KIAA1671: variants seen among roughly 807,000 people sequenced by gnomAD.
The protein encoded by KIAA1671 is KIAA1671.
In KIAA1671, 52 loss-of-function variants were observed where a neutral mutation model predicts 131.2. The observed-to-expected ratio is 0.40, with a 90% CI of 0.32 to 0.50. The LOEUF (loss-of-function observed/expected upper bound fraction) is 0.50, where lower values mean the gene tolerates loss of function less well. KIAA1671 is among the 20% of genes least tolerant of loss of function. KIAA1671 has a pLI of 0.73. For missense variants in KIAA1671, 2,360 were observed against 2,364.2 expected, an observed-to-expected ratio of 1.00 and a Z score of 0.04; for synonymous variants, 1,003 against 961.6, an observed-to-expected ratio of 1.04 and a Z score of -0.80.
chr22:25,032,725 C>T, intron 4 of KIAA1671, 29 bp downstream of exon 4: 1 of 1,428,190 alleles, frequency 7.0e-7, no homozygotes, highest in Non-Finnish European at 9.6e-7. Context: ...GCACGTCTCT[C>T]ATTAACCAGC....
At chr22:25,172,832 G>A (rs1933894633) in intron 7 of KIAA1671, among the ~76,000 whole-genome samples, 1 of 152,202 alleles carries the variant, frequency 6.6e-6, no homozygotes. Flanking sequence ...GAGTCAGACT[G>A]CCTGGGCTCA....
At chr22:25,017,954 C>T (rs73879187) in intron 1 of KIAA1671, among the ~76,000 whole-genome samples, 2,500 of 152,140 alleles carry the variant, frequency 0.016, 73 homozygotes, top group African/African-American at 0.056. Context: ...AGTGCTTGCG[C>T]TCTAATAACC....
chr22:25,029,702 G>A (rs1358252463), intron 3 of KIAA1671, among the ~76,000 whole-genome samples, 162 bp downstream of exon 3: 1 of 152,272 alleles, frequency 6.6e-6, no homozygotes, highest in Non-Finnish European at 1.5e-5. Context: ...GAAAGGTGAG[G>A]TGCGGAGAGG....
At chr22:25,119,806 G>A (rs1000458776) in intron 6 of KIAA1671, among the ~76,000 whole-genome samples, 3 of 152,192 alleles carry the variant, frequency 2.0e-5, no homozygotes, top group Non-Finnish European at 2.9e-5. Context: ...AGGCAGGTTC[G>A]TGCCTGGTGT....
At chr22:25,093,737 A>ACACACACTCTCTCTCTCT (rs1568950992) in intron 6 of KIAA1671, among the ~76,000 whole-genome samples, 2 of 30,138 alleles carry the variant, frequency 6.6e-5, no homozygotes, top group Non-Finnish European at 6.5e-5. Flanking sequence ...ACACACACAC[A>ACACACACTCTCTCTCTCT]CTCTCTCTCT....
intron 6 of KIAA1671, among the ~76,000 whole-genome samples, chr22:25,138,016 ATT>A (rs1932748285): frequency 6.6e-6 from 1 of 152,148 alleles, no homozygotes; most frequent in African/African-American, 2.4e-5. Context: ...ACAATGACTC[ATT>A]TTTCTTGTGC....
chr22:25,123,125 C>G (rs1219430404), intron 6 of KIAA1671, among the ~76,000 whole-genome samples: 1 of 151,684 alleles, frequency 6.6e-6, no homozygotes, highest in African/African-American at 2.4e-5. Context: ...GTGAAGTCCC[C>G]TTCTATGCTG....
rs1568951523 is a variant in KIAA1671 at position 25,093,824 on chromosome 22, T to TTCTC, written c.4530+44466_4530+44469dup. Among the ~76,000 whole-genome samples, 6 of 21,952 alleles carry TTCTC rather than the reference T, an allele frequency of 2.7e-4. 1 individual carries two copies. The highest frequency in any genetic ancestry group is 3.4e-3 in the South Asian group (2 of 590). 14.4% of individuals were successfully genotyped at this position (21,952 alleles called of 152,430 possible). Reference sequence around the variant, plus strand: ...TCTCTCTCTCTCTGTCTCTCTCTCTTTCTCTCTCTGTCTGTCTCTCTCTCT... The same window carrying TTCTC: ...TCTCTCTCTCTCTGTCTCTCTCTCTTTCTCTCTCTCTCTGTCTGTCTCTCTCTCT... On this transcript the variant is annotated intron_variant, in intron 6 of 12. Transcript: ENST00000358431.
intron 1 of KIAA1671, among the ~76,000 whole-genome samples, chr22:24,980,712 A>G (rs1401901705): frequency 1.3e-5 from 2 of 151,966 alleles, no homozygotes; most frequent in Admixed American, 6.6e-5. Flanking sequence ...AAGTGTTCCA[A>G]TTTATTCACA....
At chr22:25,163,730 G>A (rs1345729591) in intron 6 of KIAA1671, among the ~76,000 whole-genome samples, 2 of 151,880 alleles carry the variant, frequency 1.3e-5, no homozygotes, top group African/African-American at 2.4e-5. Context: ...GAGCCACCAC[G>A]CCCGGCCATT....
At position 25,028,108 on chromosome 22, in the gene KIAA1671, G is replaced by A. The variant is rs372006728; in HGVS notation, c.109G>A (p.Gly37Ser). 5.2e-6 allele frequency: 8 copies of A among 1,551,142 alleles called. No individual in the cohort carries two copies. The highest frequency in any genetic ancestry group is 2.4e-5 in the East Asian group (1 of 40,914). Residue 37 changes from glycine to serine, a missense_variant, in exon 3 of 13, where the codon GGC (glycine) becomes AGC (serine). Transcript: ENST00000358431. ...GACGAGGACCTACTTCCTCCAGGCC[G>A]GCGAAGCCTCTGGGGCTCCCCCAGC... is the stretch of plus-strand genomic sequence containing the variant. ...TLTRTYFLQA[G>S]EASGAPPARI...
intron 6 of KIAA1671, among the ~76,000 whole-genome samples, chr22:25,120,058 T>C (rs1384813929): frequency 6.6e-6 from 1 of 152,228 alleles, no homozygotes; most frequent in East Asian, 1.9e-4. Context: ...GAGTGCCTGC[T>C]GTGTGCCAGG....
chr22:25,002,115 T>TA (rs1454758502), intron 1 of KIAA1671, among the ~76,000 whole-genome samples: 1 of 152,154 alleles, frequency 6.6e-6, no homozygotes, highest in Admixed American at 6.6e-5. Context: ...TGTCCTGCCC[T>TA]AAAAAACGAG....
chr22:25,091,385 T>G (rs1206142200), intron 6 of KIAA1671, among the ~76,000 whole-genome samples: 2 of 151,602 alleles, frequency 1.3e-5, no homozygotes, highest in East Asian at 2.1e-4. Context: ...AGCAAAGGTG[T>G]TGTTTGTTTG....
chr22:25,078,855 C>T (rs1161003326), intron 6 of KIAA1671, among the ~76,000 whole-genome samples: 1 of 152,062 alleles, frequency 6.6e-6, no homozygotes, highest in Non-Finnish European at 1.5e-5. Context: ...GAGCTGTGGG[C>T]GCCTTTTTAG....
At chr22:24,992,117 A>G (rs1448853336) in intron 1 of KIAA1671, among the ~76,000 whole-genome samples, 2 of 152,150 alleles carry the variant, frequency 1.3e-5, no homozygotes, top group South Asian at 2.1e-4. Context: ...GCCTGAAGCT[A>G]ATGTCCTAAG....
rs192127310 is a variant in KIAA1671, at chr22:25,163,038, T to A, written c.4531-7782T>A. Among the ~76,000 whole-genome samples, 654 of 152,138 alleles carry A rather than the reference T, an allele frequency of 4.3e-3. 1 individual carries two copies. The highest frequency in any genetic ancestry group is 6.3e-3 in the Non-Finnish European group (426 of 68,000). ...ACATTGTTTTGTTACCTTAAAAAAA[T>A]TTTTTTTGGCCTGGCATGGTGGCTC... is the stretch of plus-strand genomic sequence containing the variant. On this transcript the variant is annotated intron_variant, in intron 6 of 12. Coordinates refer to ENST00000358431, the MANE Select transcript of KIAA1671 (RefSeq NM_001145206.2).
intron 6 of KIAA1671, among the ~76,000 whole-genome samples, chr22:25,155,126 C>T (rs910990500): frequency 2.0e-5 from 3 of 152,160 alleles, no homozygotes; most frequent in East Asian, 1.9e-4. Flanking sequence ...ATTTTCTGCC[C>T]CTTGCTCTTT....
chr22:25,081,215 A>G (rs1366210941), intron 6 of KIAA1671, among the ~76,000 whole-genome samples: 2 of 152,224 alleles, frequency 1.3e-5, no homozygotes, highest in Non-Finnish European at 2.9e-5. Flanking sequence ...CTCTGTAGGT[A>G]TAATGAAAGA....
Sources: gnomAD v4.1 joint callset for allele counts (sites outside exome capture counted in the v4.1 genomes callset) on GRCh38, gnomAD v4.1.1 for gene constraint, MANE v1.5 for transcripts, NCBI Gene and HGNC (gene_info 2026-07-23, HGNC 2026-07-21) for gene names.